Variants in NECAB1 observed in about 807,000 individuals in gnomAD.
NECAB1 encodes N-terminal EF-hand calcium-binding protein 1.
NECAB1 carries 29 observed loss-of-function variants against 57.5 expected under a neutral mutation model. The observed-to-expected ratio is 0.50, with a 90% CI of 0.38 to 0.69. The LOEUF is 0.69. Among genes scored for constraint, NECAB1 ranks in the 30% least tolerant of loss-of-function variants. The pLI is 0.00. For missense variants in NECAB1, 372 were observed against 413.8 expected, an observed-to-expected ratio of 0.90 and a Z score of 0.88; for synonymous variants, 142 against 147.7, an observed-to-expected ratio of 0.96 and a Z score of 0.28.
At chr8:90,923,189 A>G (rs1810170583) in intron 6 of NECAB1, among the ~76,000 whole-genome samples, 1 of 152,176 alleles carries the variant, frequency 6.6e-6, no homozygotes, top group African/African-American at 2.4e-5. Context: ...ACCCAGTGCT[A>G]TATAGTGACT....
chr8:90,795,206 C>T (rs1811640222), intron 1 of NECAB1, among the ~76,000 whole-genome samples: 3 of 152,218 alleles, frequency 2.0e-5, no homozygotes, highest in Admixed American at 6.5e-5. Flanking sequence ...TGAGTCATTA[C>T]ATTAATCAAC....
chr8:90,958,899 C>G lies in NECAB1; in HGVS notation c.*3387C>G. On this transcript the variant is annotated 3_prime_UTR_variant, in exon 13 of 13. Transcript: ENST00000417640. ...ATTTTTAGAGAAGTCAAATAGCCAA[C>G]CATCAAAATTAAGAATAAATTGAAT... is the stretch of plus-strand genomic sequence containing the variant. 1 of 639,024 alleles carries G rather than the reference C, an allele frequency of 1.6e-6. No individual in the cohort carries two copies. The highest frequency in any genetic ancestry group is 2.6e-6 in the Non-Finnish European group (1 of 391,532). 39.6% of individuals were successfully genotyped at this position (639,024 alleles called of 1,614,324 possible).
At position 90,925,530 on chromosome 8, in the gene NECAB1, T is replaced by A. The variant is rs757033359; in HGVS notation, c.495-5T>A. ...TAAGGTTAAATGTTATCTCTGTTGA[T>A]CAAGGCAAGGGCCAGCCAAGCCAGA... On this transcript the variant is annotated splice_polypyrimidine_tract_variant and splice_region_variant and intron_variant, in intron 6 of 12. Transcript: ENST00000417640. 6.2e-7 allele frequency: 1 copy of A among 1,611,772 alleles called. No individual in the cohort carries two copies. The highest frequency in any genetic ancestry group is 1.1e-5 in the South Asian group (1 of 90,534).
chr8:90,940,684 A>C, intron 9 of NECAB1, 102 bp from the exon 10 acceptor site: 1 of 809,718 alleles, frequency 1.2e-6, no homozygotes, highest in Non-Finnish European at 2.0e-6. Flanking sequence ...TTTGGATGAC[A>C]ATCATCTGTT....
intron 6 of NECAB1, among the ~76,000 whole-genome samples, chr8:90,918,952 C>T (rs901317030): frequency 3.9e-5 from 6 of 152,034 alleles, no homozygotes; most frequent in Non-Finnish European, 8.8e-5. Context: ...ACTACATGAA[C>T]CTGGATATAC....
chr8:90,920,014 C>G (rs978917484), intron 6 of NECAB1, among the ~76,000 whole-genome samples: 2 of 152,206 alleles, frequency 1.3e-5, no homozygotes, highest in African/African-American at 4.8e-5. Flanking sequence ...CAGCAGCTGC[C>G]TAGCAGCTGT....
chr8:90,955,641 C>G lies in NECAB1; in HGVS notation c.*129C>G. On this transcript the variant is annotated 3_prime_UTR_variant, in exon 13 of 13. Transcript: ENST00000417640. ...TTGTTTGGTATATTTACTAAGTGCA[C>G]TCTTTCAAAACTTATTCTATAACTT... The G allele has an allele frequency of 1.7e-6, 1 of 579,964 alleles. No homozygotes were observed. 35.9% of individuals were successfully genotyped at this position (579,964 alleles called of 1,614,324 possible). A position where few individuals can be genotyped will look rare whatever the true frequency, so the allele number is the denominator to read the frequency against.
At chr8:90,865,946 T>C (rs1365420527) in intron 3 of NECAB1, among the ~76,000 whole-genome samples, 1 of 152,256 alleles carries the variant, frequency 6.6e-6, no homozygotes, top group Non-Finnish European at 1.5e-5. Flanking sequence ...GCACATCTAT[T>C]TCTAGGTTAG....
At chr8:90,876,767 CTG>C (rs910564959) in intron 4 of NECAB1, among the ~76,000 whole-genome samples, 4 of 152,146 alleles carry the variant, frequency 2.6e-5, no homozygotes, top group Non-Finnish European at 4.4e-5. Flanking sequence ...TGCTTATAAA[CTG>C]TGCTCTACTT....
At chr8:90,861,951 T>C (rs1004476485) in intron 3 of NECAB1, among the ~76,000 whole-genome samples, 1 of 152,120 alleles carries the variant, frequency 6.6e-6, no homozygotes, top group Non-Finnish European at 1.5e-5. Flanking sequence ...GAATGGAGGA[T>C]GTATTGGAGA....
intron 3 of NECAB1, among the ~76,000 whole-genome samples, 155 bp from the exon 4 acceptor site, chr8:90,871,971 CTA>C (rs1808629105): frequency 1.3e-5 from 2 of 152,116 alleles, no homozygotes; most frequent in African/African-American, 4.8e-5. Flanking sequence ...TGACCTAAGA[CTA>C]TTTAAATAAT....
chr8:90,915,523 T>C (rs538062735), intron 5 of NECAB1, among the ~76,000 whole-genome samples: 4 of 152,174 alleles, frequency 2.6e-5, no homozygotes, highest in Non-Finnish European at 4.4e-5. Context: ...TTTAAAGACA[T>C]TGCAATTTTT....
chr8:90,863,975 A>T (rs1808458485), intron 3 of NECAB1, among the ~76,000 whole-genome samples: 1 of 152,162 alleles, frequency 6.6e-6, no homozygotes, highest in South Asian at 2.1e-4. Flanking sequence ...AGTGTGACTC[A>T]AAGTGCGGGT....
chr8:90,904,421 T>C (rs542731085), intron 5 of NECAB1, among the ~76,000 whole-genome samples: 2 of 151,490 alleles, frequency 1.3e-5, no homozygotes, highest in South Asian at 4.2e-4. Context: ...ACAAAACAAA[T>C]TTGAGAAAGC....
At chr8:90,913,120 G>A (rs1461636069) in intron 5 of NECAB1, among the ~76,000 whole-genome samples, 1 of 152,142 alleles carries the variant, frequency 6.6e-6, no homozygotes, top group Non-Finnish European at 1.5e-5. Flanking sequence ...AACCTGATGG[G>A]CAGAGCTTGC....
chr8:90,799,066 A>AT (rs1327709891), intron 1 of NECAB1, among the ~76,000 whole-genome samples: 2 of 151,934 alleles, frequency 1.3e-5, no homozygotes, highest in Non-Finnish European at 2.9e-5. Context: ...GATGTTGAGC[A>AT]TTTTTTCGTA....
intron 9 of NECAB1, among the ~76,000 whole-genome samples, chr8:90,939,379 C>G (rs1411229609): frequency 1.3e-5 from 2 of 152,092 alleles, no homozygotes; most frequent in African/African-American, 4.8e-5. Context: ...AAACCAGATC[C>G]AAGGGGAGGG....
At chr8:90,826,190 C>T (rs1341203497) in intron 3 of NECAB1, among the ~76,000 whole-genome samples, 1 of 151,794 alleles carries the variant, frequency 6.6e-6, no homozygotes, top group Non-Finnish European at 1.5e-5. Flanking sequence ...TGAAGAGCAG[C>T]AACAAGTAGT....
intron 10 of NECAB1, among the ~76,000 whole-genome samples, chr8:90,942,534 G>C (rs1395031167): frequency 6.6e-6 from 1 of 152,154 alleles, no homozygotes; most frequent in Admixed American, 6.6e-5. Context: ...CTCAAGACTT[G>C]CAAAGGTGGG....
Sources: allele counts gnomAD v4.1 joint callset (sites outside exome capture counted in the v4.1 genomes callset), GRCh38; gene constraint gnomAD v4.1.1; transcripts MANE v1.5; gene names NCBI Gene and HGNC (gene_info 2026-07-23, HGNC 2026-07-21).